The following DNAH14 variants were observed in gnomAD, a reference collection of about 807,000 sequenced individuals.
DNAH14 encodes the protein axonemal beta dynein heavy chain 14.
Under a neutral mutation model 520.9 loss-of-function variants are expected in DNAH14, and 478 were observed. That is an observed-to-expected ratio of 0.92 (90% CI 0.85 to 0.99). The LOEUF is 0.99. Among genes scored for constraint, DNAH14 ranks in the 50% least tolerant of loss-of-function variants. The pLI, the probability that DNAH14 is intolerant of heterozygous loss-of-function variation, is 0.00. For missense variants in DNAH14, 4,831 were observed against 5,234.5 expected, an observed-to-expected ratio of 0.92 and a Z score of 2.38; for synonymous variants, 1,581 against 1,757.2, an observed-to-expected ratio of 0.90 and a Z score of 2.51.
At chr1:225,211,596 T>C (rs2088422754) in intron 41 of DNAH14, among the ~76,000 whole-genome samples, 2 of 152,068 alleles carry the variant, frequency 1.3e-5, no homozygotes, top group South Asian at 4.1e-4. Context: ...CCAGAAGAAC[T>C]TCCCCAACCT....
intron 19 of DNAH14, 34 bp downstream of exon 19, chr1:225,080,782 G>A (rs201645969): frequency 1.4e-5 from 20 of 1,478,450 alleles, no homozygotes; most frequent in Admixed American, 5.0e-5. Context: ...TCCCACCTAG[G>A]TCTATATACC....
Position 225,397,984 on chromosome 1 carries a change from T to C in DNAH14, c.13492-536T>C, listed in dbSNP as rs368396273. 1,150 of 144,852 alleles carry C rather than the reference T, an allele frequency of 7.9e-3. 11 individuals are homozygous for C. Among genetic ancestry groups the C allele is most frequent in the South Asian group, 0.018 (82 of 4,494 alleles). 9.0% of individuals were successfully genotyped at this position (144,852 alleles called of 1,614,324 possible). A position where few individuals can be genotyped will look rare whatever the true frequency, so the allele number is the denominator to read the frequency against. On this transcript the variant is annotated intron_variant, in intron 84 of 85. Transcript: ENST00000682510. Reference sequence around the variant, plus strand: ...ACCGATGGAACCCAGGCGGTGGAGGTTGCAGTGAGCCAAGATCATGCCACT... The same window carrying C: ...ACCGATGGAACCCAGGCGGTGGAGGCTGCAGTGAGCCAAGATCATGCCACT...
intron 8 of DNAH14, among the ~76,000 whole-genome samples, chr1:224,981,289 T>C (rs2062249514): frequency 6.6e-6 from 1 of 152,234 alleles, no homozygotes; most frequent in Non-Finnish European, 1.5e-5. Context: ...ATTAGGGTGA[T>C]GCTGGCTTCA....
intron 31 of DNAH14, among the ~76,000 whole-genome samples, chr1:225,150,541 T>G (rs2080401427): frequency 6.6e-6 from 1 of 152,132 alleles, no homozygotes. Context: ...CCTTTTTTGG[T>G]TGGTAGGCTA....
Position 225,102,225 on chromosome 1 carries a change from A to C in DNAH14, c.3867+1341A>C, listed in dbSNP as rs1382382585. Among the ~76,000 whole-genome samples the C allele has an allele frequency of 4.6e-5, 7 of 151,898 alleles. No homozygotes were observed. The South Asian group carries it at 1.0e-3, about 23-fold the overall frequency. On this transcript the variant is annotated intron_variant, in intron 23 of 85. Transcript: ENST00000682510. Reference sequence around the variant, plus strand: ...TCCCTACAAAGGACATGAACTCATCATTTTTTATGGCTGCATAGTATTCCA... The same window carrying C: ...TCCCTACAAAGGACATGAACTCATCCTTTTTTATGGCTGCATAGTATTCCA...
rs1432922615 is a variant in DNAH14, at chr1:225,335,783, T to TACACA, written c.10081-1483_10081-1482insACACA. 2.6e-5 allele frequency among the ~76,000 whole-genome samples: 3 copies of TACACA among 116,956 alleles called. 1 individual carries two copies. Among genetic ancestry groups the TACACA allele is most frequent in the Non-Finnish European group, 5.3e-5 (3 of 57,056 alleles). 76.7% of individuals were successfully genotyped at this position (116,956 alleles called of 152,430 possible). On this transcript the variant is annotated intron_variant, in intron 66 of 85. Transcript: ENST00000682510. Reference sequence around the variant, plus strand: ...CATACATGTGCATATGTGCATATATTCATAAGTACATCTATGTATATGTAC... The same window carrying TACACA: ...CATACATGTGCATATGTGCATATATTACACACATAAGTACATCTATGTATATGTAC...
chr1:225,315,274 T>C (rs1574712056), intron 60 of DNAH14, among the ~76,000 whole-genome samples: 1 of 151,678 alleles, frequency 6.6e-6, no homozygotes, highest in Non-Finnish European at 1.5e-5. Flanking sequence ...TCGTGCTGGG[T>C]TTTTCAGCTC....
intron 84 of DNAH14, among the ~76,000 whole-genome samples, chr1:225,394,499 T>G (rs922420756): frequency 6.6e-6 from 1 of 152,238 alleles, no homozygotes; most frequent in African/African-American, 2.4e-5. Flanking sequence ...AATATTCTCC[T>G]GTTATCTTCT....
intron 15 of DNAH14, 49 bp downstream of exon 15, chr1:225,044,032 T>C: frequency 8.6e-7 from 1 of 1,162,914 alleles, no homozygotes; most frequent in Non-Finnish European, 1.2e-6. Context: ...TTTGGCAATA[T>C]TTTTTTAAAT....
rs972805855 is a variant in DNAH14 at position 225,346,660 on chromosome 1, T to C, written c.11296+6T>C. The C allele has an allele frequency of 4.6e-6, 7 of 1,528,786 alleles. No homozygotes were observed. In the African/African-American group the frequency reaches 9.8e-5, roughly 21 times the overall value. The allele number at this position is 1,528,786 out of a possible 1,614,324, so 94.7% of individuals were successfully genotyped here. ...ATCCCAGTCTAGACTTACTAGTAAG[T>C]AAAAGTTACTATTCCGGATTCAGTA... On this transcript the variant is annotated splice_donor_region_variant and intron_variant, in intron 71 of 85. Transcript: ENST00000682510.
intron 8 of DNAH14, among the ~76,000 whole-genome samples, chr1:224,986,784 C>A (rs1438303500): frequency 6.6e-6 from 1 of 152,154 alleles, no homozygotes; most frequent in Admixed American, 6.5e-5. Context: ...CAAAGATGCC[C>A]ATTTTCACCA....
At chr1:225,357,684 G>T in intron 73 of DNAH14, 1 of 656,600 alleles carries the variant, frequency 1.5e-6, no homozygotes, top group South Asian at 1.8e-5. Flanking sequence ...TAAATGTGCT[G>T]TGTTAAACAT....
intron 38 of DNAH14, among the ~76,000 whole-genome samples, chr1:225,202,701 A>C (rs1347546726): frequency 2.6e-5 from 4 of 152,250 alleles, no homozygotes; most frequent in Non-Finnish European, 5.9e-5. Context: ...CTGAGTTCTG[A>C]CCAGGAGACT....
chr1:225,332,139 G>A (rs987668112), intron 65 of DNAH14, among the ~76,000 whole-genome samples: 2 of 152,132 alleles, frequency 1.3e-5, no homozygotes, highest in East Asian at 3.8e-4. Flanking sequence ...CTCCATGGTT[G>A]AATCTCTAGT....
chr1:224,958,441 C>T (rs563062406), intron 3 of DNAH14, among the ~76,000 whole-genome samples: 16 of 152,052 alleles, frequency 1.1e-4, no homozygotes, highest in Non-Finnish European at 7.4e-5. Flanking sequence ...CAGCGTTTTG[C>T]CATACAGGTG....
intron 41 of DNAH14, among the ~76,000 whole-genome samples, chr1:225,223,227 A>G (rs570076483): frequency 5.4e-4 from 83 of 152,306 alleles, no homozygotes; most frequent in Non-Finnish European, 1.1e-3. Context: ...CGACAAAACA[A>G]TCAGGTATAC....
chr1:225,067,078 G>A (rs573287630), intron 17 of DNAH14, among the ~76,000 whole-genome samples: 2 of 152,094 alleles, frequency 1.3e-5, no homozygotes, highest in East Asian at 3.9e-4. Context: ...CATCAGCCAG[G>A]TATTAATCCA....
At position 225,140,854 on chromosome 1, in the gene DNAH14, G is replaced by A. The variant is rs2079388157; in HGVS notation, c.4341G>A (p.Leu1447=). 6.4e-7 allele frequency: 1 copy of A among 1,551,170 alleles called. No homozygotes were observed. Among genetic ancestry groups the A allele is most frequent in the South Asian group, 1.2e-5 (1 of 84,034 alleles). The part of the protein sequence containing the change: ...REKLEKVHAG[L]MCHLEEVADL... Reference sequence around the variant, plus strand: ...AATTGGAAAAAGTCCACGCTGGTCTGATGTGTCATCTAGAAGAGGTTGCAG... The same window carrying A: ...AATTGGAAAAAGTCCACGCTGGTCTAATGTGTCATCTAGAAGAGGTTGCAG... The change falls in exon 28 of 86, where the codon CTG becomes CTA. Residue 1447 remains leucine (L), a synonymous_variant. Transcript: ENST00000682510.
In DNAH14 at chr1:225,346,300, C is replaced by T. The variant is rs750943194; in HGVS notation, c.11017C>T (p.Pro3673Ser). 15 of 1,544,926 alleles carry T rather than the reference C, an allele frequency of 9.7e-6. No homozygotes were observed. In the South Asian group the frequency reaches 1.4e-4, roughly 15 times the overall value. Residue 3673 changes from proline to serine, a missense_variant, in exon 70 of 86, where the codon CCC becomes TCC. Transcript: ENST00000682510. ...VHEFISISKEPNLENEKNLLD... is the reference protein window; with the variant it reads ...VHEFISISKESNLENEKNLLD... The stretch of plus-strand genomic sequence containing the variant: ...TGAGTTTATAAGTATTTCAAAAGAA[C>T]CCAACCTGGAAAATGAGAAAAATCT...
Sources: allele counts gnomAD v4.1 joint callset (sites outside exome capture counted in the v4.1 genomes callset), GRCh38; gene constraint gnomAD v4.1.1; transcripts MANE v1.5; gene names NCBI Gene and HGNC (gene_info 2026-07-23, HGNC 2026-07-21).